The following PRORP variants were observed in gnomAD, a reference collection of about 807,000 sequenced individuals.
The protein encoded by PRORP is mitochondrial ribonuclease P catalytic subunit.
In PRORP, 51 loss-of-function variants were observed where a neutral mutation model predicts 59.4. The ratio of observed to expected loss-of-function variants is 0.86; its 90% CI spans 0.69 to 1.08. The LOEUF is 1.08. Ranked by LOEUF, PRORP falls within the 50% of genes least tolerant of loss-of-function variation. PRORP has a pLI of 0.00. For synonymous variants in PRORP, 231 were observed against 245.6 expected, an observed-to-expected ratio of 0.94 and a Z score of 0.55; for missense variants, 646 against 690.3, an observed-to-expected ratio of 0.94 and a Z score of 0.72.
intron 5 of PRORP, among the ~76,000 whole-genome samples, chr14:35,233,833 C>T (rs1377027630): frequency 6.6e-6 from 1 of 152,048 alleles, no homozygotes; most frequent in Non-Finnish European, 1.5e-5. Context: ...AGTAAATGTG[C>T]AATTGGTAAG....
chr14:35,205,701 A>G (rs1426875296), intron 5 of PRORP, among the ~76,000 whole-genome samples: 1 of 152,168 alleles, frequency 6.6e-6, no homozygotes, highest in Admixed American at 6.5e-5. Flanking sequence ...TTTTAATTAG[A>G]TATTTATATG....
chr14:35,227,214 T>G (rs1389139464), intron 5 of PRORP, among the ~76,000 whole-genome samples: 1 of 151,052 alleles, frequency 6.6e-6, no homozygotes, highest in African/African-American at 2.4e-5. Context: ...GAGGCCGAGG[T>G]GGGTGGATCA....
At chr14:35,232,031 C>T (rs1183883288) in intron 5 of PRORP, among the ~76,000 whole-genome samples, 1 of 152,106 alleles carries the variant, frequency 6.6e-6, no homozygotes, top group Non-Finnish European at 1.5e-5. Flanking sequence ...ACAGCTTATA[C>T]CATGGTAGCA....
intron 4 of PRORP, among the ~76,000 whole-genome samples, chr14:35,135,498 C>T (rs935729087): frequency 1.3e-5 from 2 of 152,106 alleles, no homozygotes; most frequent in African/African-American, 4.8e-5. Flanking sequence ...TTGCTGATCC[C>T]TGGTATCAAT....
chr14:35,178,491 A>G (rs560545242), intron 4 of PRORP, among the ~76,000 whole-genome samples: 22 of 152,268 alleles, frequency 1.4e-4, no homozygotes, highest in South Asian at 4.1e-4. Flanking sequence ...CTTTACCATT[A>G]TGTAATGGCC....
At chr14:35,190,376 C>T (rs2048852941) in intron 5 of PRORP, among the ~76,000 whole-genome samples, 2 of 147,264 alleles carry the variant, frequency 1.4e-5, no homozygotes, top group South Asian at 4.3e-4. Context: ...CCAGCCTGGG[C>T]AACAAGAGTG....
intron 5 of PRORP, among the ~76,000 whole-genome samples, chr14:35,221,138 C>T (rs1252292160): frequency 6.6e-6 from 1 of 152,120 alleles, no homozygotes; most frequent in Non-Finnish European, 1.5e-5. Context: ...GCCTTGCCTC[C>T]CATAGGGGAG....
At chr14:35,244,369 A>C (rs2050434165) in intron 5 of PRORP, among the ~76,000 whole-genome samples, 1 of 152,170 alleles carries the variant, frequency 6.6e-6, no homozygotes, top group African/African-American at 2.4e-5. Context: ...AGAGTTTATT[A>C]AATATAATTT....
intron 5 of PRORP, among the ~76,000 whole-genome samples, chr14:35,201,173 A>T (rs372262799): frequency 4.6e-5 from 7 of 152,248 alleles, no homozygotes; most frequent in African/African-American, 1.7e-4. Flanking sequence ...AGTAGATAGT[A>T]TCAACATGAC....
At position 35,275,215 on chromosome 14, in the gene PRORP, C is replaced by T. The variant is rs1028650624; in HGVS notation, c.*1649C>T. ...TAAATTGATATATTTACATTTATGA[C>T]AATATACCTCAAAGTAAGTTAGGGT... is the stretch of plus-strand genomic sequence containing the variant. On this transcript the variant is annotated 3_prime_UTR_variant, in exon 8 of 8. Transcript: ENST00000534898. The T allele has an allele frequency of 6.6e-6, 1 of 151,888 alleles. No individual in the cohort carries two copies. Among genetic ancestry groups the T allele is most frequent in the East Asian group, 1.9e-4 (1 of 5,184 alleles). The allele number at this position is 151,888 out of a possible 1,614,324, so 9.4% of individuals were successfully genotyped here.
At chr14:35,215,579 G>A (rs1047396104) in intron 5 of PRORP, among the ~76,000 whole-genome samples, 9 of 151,964 alleles carry the variant, frequency 5.9e-5, no homozygotes, top group African/African-American at 2.2e-4. Flanking sequence ...CAAAGTGACC[G>A]TGACTCAAAA....
intron 5 of PRORP, among the ~76,000 whole-genome samples, chr14:35,206,013 G>T (rs2049283875): frequency 6.6e-6 from 1 of 152,088 alleles, no homozygotes; most frequent in Non-Finnish European, 1.5e-5. Flanking sequence ...TGACAACAGG[G>T]TCTGTTATTT....
At chr14:35,202,428 G>A (rs956367412) in intron 5 of PRORP, among the ~76,000 whole-genome samples, 1 of 151,948 alleles carries the variant, frequency 6.6e-6, no homozygotes, top group Non-Finnish European at 1.5e-5. Flanking sequence ...TTTTTTTTCA[G>A]GGGTTAATCT....
chr14:35,220,502 C>G (rs973845790), intron 5 of PRORP, among the ~76,000 whole-genome samples: 1 of 152,126 alleles, frequency 6.6e-6, no homozygotes, highest in Non-Finnish European at 1.5e-5. Flanking sequence ...GTGTAAGATC[C>G]TCTCTAACAC....
chr14:35,175,076 C>T (rs893236867), intron 4 of PRORP, among the ~76,000 whole-genome samples: 15 of 152,090 alleles, frequency 9.9e-5, no homozygotes, highest in African/African-American at 3.1e-4. Flanking sequence ...ATGAACTCAT[C>T]CTTTTTTATG....
At chr14:35,180,601 C>T (rs2048579889) in intron 4 of PRORP, 69 bp from the exon 5 acceptor site, 6 of 826,254 alleles carry the variant, frequency 7.3e-6, no homozygotes, top group South Asian at 1.5e-5. Flanking sequence ...ATAAAGGTCA[C>T]TGCAGTGTGT....
chr14:35,157,101 G>A (rs747219301), intron 4 of PRORP, among the ~76,000 whole-genome samples: 14 of 151,736 alleles, frequency 9.2e-5, no homozygotes, highest in South Asian at 6.3e-4. Context: ...GACTACAGGC[G>A]CCCGCCACCA....
chr14:35,130,212 T>G (rs984848190), intron 4 of PRORP, among the ~76,000 whole-genome samples: 1 of 151,944 alleles, frequency 6.6e-6, no homozygotes, highest in Non-Finnish European at 1.5e-5. Context: ...TTTGTATTTT[T>G]TAGTTGAGAC....
At chr14:35,172,950 C>T (rs2048358933) in intron 4 of PRORP, among the ~76,000 whole-genome samples, 1 of 151,562 alleles carries the variant, frequency 6.6e-6, no homozygotes, top group African/African-American at 2.4e-5. Flanking sequence ...TCACTGCAAC[C>T]TTCACTTCCC....
Sources: gnomAD v4.1 joint callset for allele counts (sites outside exome capture counted in the v4.1 genomes callset) on GRCh38, gnomAD v4.1.1 for gene constraint, MANE v1.5 for transcripts, NCBI Gene and HGNC (gene_info 2026-07-23, HGNC 2026-07-21) for gene names.